Variants in PTPRT observed in about 807,000 individuals in gnomAD.
PTPRT encodes the protein receptor-type tyrosine-protein phosphatase T.
PTPRT carries 56 observed loss-of-function variants against 176.8 expected under a neutral mutation model. The ratio of observed to expected loss-of-function variants is 0.32; its 90% confidence interval spans 0.26 to 0.40. PTPRT has a LOEUF of 0.40. PTPRT is among the 10% of genes least tolerant of loss of function. PTPRT has a pLI of 1.00. For missense variants in PTPRT, 1,540 were observed against 1,908.2 expected, an observed-to-expected ratio of 0.81 and a Z score of 3.60; for synonymous variants, 783 against 739.0, an observed-to-expected ratio of 1.06 and a Z score of -0.96.
chr20:42,121,764 G>T (rs1987605425), intron 19 of PTPRT, among the ~76,000 whole-genome samples: 1 of 147,296 alleles, frequency 6.8e-6, no homozygotes, highest in Non-Finnish European at 1.5e-5. Context: ...TATATATATA[G>T]ATGTAGTATT....
intron 12 of PTPRT, among the ~76,000 whole-genome samples, chr20:42,309,649 A>G (rs2057596972): frequency 6.6e-6 from 1 of 152,212 alleles, no homozygotes; most frequent in African/African-American, 2.4e-5. Context: ...TGTGTGAAGT[A>G]TATATTACTA....
chr20:42,899,433 C>T (rs1431360884), intron 1 of PTPRT, among the ~76,000 whole-genome samples: 3 of 152,230 alleles, frequency 2.0e-5, no homozygotes, highest in Non-Finnish European at 4.4e-5. Context: ...CCCCATGGAA[C>T]ACTCTTGCCC....
intron 2 of PTPRT, among the ~76,000 whole-genome samples, chr20:42,864,638 G>A (rs2078715839): frequency 1.3e-5 from 2 of 152,104 alleles, no homozygotes; most frequent in African/African-American, 4.8e-5. Context: ...TTTGCTCAAG[G>A]TCCCCCACAC....
chr20:42,965,945 T>A lies in PTPRT; in HGVS notation c.89-80013A>T, dbSNP rs76099937. ...CAATGAGCATTTAATCTTAAAGACA[T>A]TACAAAGCTAGAAGGTGCAGAAAAG... is the stretch of plus-strand genomic sequence containing the variant. On this transcript the variant is annotated intron_variant, in intron 1 of 30. Transcript: ENST00000373187. 3.1e-3 allele frequency among the ~76,000 whole-genome samples: 470 copies of A among 152,290 alleles called. 17 individuals carry two copies. In the East Asian group the frequency reaches 0.074, roughly 24 times the overall value.
chr20:42,080,860 G>C lies in PTPRT; in HGVS notation c.*19C>G, dbSNP rs763158153. On this transcript the variant is annotated 3_prime_UTR_variant, in exon 31 of 31. Transcript: ENST00000373187. ...TCACAGCAGCCTCTGGACTCCGGCA[G>C]GTTCCCCATCCCATTGAGCTAAAAG... 1.9e-6 allele frequency: 3 copies of C among 1,601,016 alleles called. No individual in the cohort carries two copies. The Admixed American group carries it at 5.0e-5, about 27-fold the overall frequency.
At position 42,316,002 on chromosome 20, in the gene PTPRT, C is replaced by T. The variant is rs753427127; in HGVS notation, c.1866-6G>A. Reference sequence around the variant, plus strand: ...TGACAACCAGCTGATAAACACTGGACAGGAAAGAGGAGACACAGATGGTTG... The same window carrying T: ...TGACAACCAGCTGATAAACACTGGATAGGAAAGAGGAGACACAGATGGTTG... On this transcript the variant is annotated splice_region_variant and splice_polypyrimidine_tract_variant and intron_variant, in intron 11 of 30. Coordinates refer to ENST00000373187, the MANE Select transcript of PTPRT (RefSeq NM_007050.6). 2 of 1,613,582 alleles carry T rather than the reference C, an allele frequency of 1.2e-6. No individual in the cohort carries two copies. Among genetic ancestry groups the T allele is most frequent in the Non-Finnish European group, 1.7e-6 (2 of 1,179,738 alleles).
chr20:42,898,194 C>G (rs1237142500), intron 1 of PTPRT, among the ~76,000 whole-genome samples: 2 of 152,022 alleles, frequency 1.3e-5, no homozygotes, highest in Non-Finnish European at 1.5e-5. Context: ...CAAGTTGAAC[C>G]CTCTCCGAGA....
chr20:42,665,044 G>A (rs956304781), intron 7 of PTPRT, among the ~76,000 whole-genome samples: 1 of 152,004 alleles, frequency 6.6e-6, no homozygotes. Context: ...CATGGGCAAG[G>A]ACTTCATGTC....
chr20:42,722,333 C>T (rs2076316729), intron 6 of PTPRT, among the ~76,000 whole-genome samples: 1 of 152,206 alleles, frequency 6.6e-6, no homozygotes, highest in South Asian at 2.1e-4. Context: ...ATGCCCACCT[C>T]CTTACCAGAA....
intron 2 of PTPRT, among the ~76,000 whole-genome samples, chr20:42,848,770 T>C (rs1174501400): frequency 1.3e-5 from 2 of 152,220 alleles, no homozygotes; most frequent in Non-Finnish European, 2.9e-5. Flanking sequence ...ACTGTCTGTT[T>C]ATTCTGCTGA....
chr20:42,303,815 T>A (rs1004516646), intron 12 of PTPRT, among the ~76,000 whole-genome samples: 2 of 152,032 alleles, frequency 1.3e-5, no homozygotes, highest in Non-Finnish European at 2.9e-5. Flanking sequence ...AGCTTCAGAG[T>A]GTAGAACAAA....
At chr20:42,220,421 GA>G (rs1243936904) in intron 15 of PTPRT, among the ~76,000 whole-genome samples, 16 of 152,034 alleles carry the variant, frequency 1.1e-4, no homozygotes, top group Non-Finnish European at 1.9e-4. Flanking sequence ...TTCCAAAAAA[GA>G]ACAGGGAGGC....
At chr20:42,932,266 G>A (rs1340341066) in intron 1 of PTPRT, among the ~76,000 whole-genome samples, 1 of 152,234 alleles carries the variant, frequency 6.6e-6, no homozygotes, top group Non-Finnish European at 1.5e-5. Context: ...TGAGGATCCT[G>A]GACTCAAGGA....
chr20:42,471,399 G>T (rs1007675395), intron 8 of PTPRT, among the ~76,000 whole-genome samples: 2 of 152,082 alleles, frequency 1.3e-5, no homozygotes, highest in African/African-American at 4.8e-5. Context: ...CTGTCTTCGC[G>T]ACAGTGAGTG....
chr20:42,505,328 G>A (rs2071824959), intron 7 of PTPRT, among the ~76,000 whole-genome samples: 1 of 152,102 alleles, frequency 6.6e-6, no homozygotes, highest in Non-Finnish European at 1.5e-5. Flanking sequence ...TTGAGATGGA[G>A]TCCCGCTCTG....
At chr20:43,055,979 A>G (rs1267803325) in intron 1 of PTPRT, among the ~76,000 whole-genome samples, 1 of 152,234 alleles carries the variant, frequency 6.6e-6, no homozygotes, top group African/African-American at 2.4e-5. Flanking sequence ...AACTTAGCAC[A>G]ATGTAAAACT....
At chr20:42,456,080 C>T (rs1282732334) in intron 8 of PTPRT, among the ~76,000 whole-genome samples, 17 of 152,034 alleles carry the variant, frequency 1.1e-4, no homozygotes, top group Non-Finnish European at 2.9e-5. Context: ...CCTTCCTTAA[C>T]GTCTTTCAGT....
intron 7 of PTPRT, among the ~76,000 whole-genome samples, chr20:42,500,195 A>C (rs1396486504): frequency 6.6e-6 from 1 of 151,732 alleles, no homozygotes; most frequent in Non-Finnish European, 1.5e-5. Context: ...TAAACTTTTT[A>C]TTTGAATATA....
At chr20:42,059,740 G>A in the PTPRT span, among the ~76,000 whole-genome samples, 12 of 152,136 alleles carry the variant, frequency 7.9e-5, no homozygotes, top group Non-Finnish European at 1.5e-4. Flanking sequence ...GGTACACAAA[G>A]GAAGTAATTA....
Sources: gnomAD v4.1 joint callset for allele counts (sites outside exome capture counted in the v4.1 genomes callset) on GRCh38, gnomAD v4.1.1 for gene constraint, MANE v1.5 for transcripts, NCBI Gene and HGNC (gene_info 2026-07-23, HGNC 2026-07-21) for gene names.